The following CCDC171 variants were observed in gnomAD, a reference collection of about 807,000 sequenced individuals.
CCDC171 encodes the protein coiled-coil domain containing 171, also known as coiled-coil domain-containing protein 171.
In CCDC171, 177 loss-of-function variants were observed where a neutral mutation model predicts 168.2. That is an observed-to-expected ratio of 1.05 (90% confidence interval 0.93 to 1.19). CCDC171 has a LOEUF of 1.19. Ranked by LOEUF, CCDC171 falls within the 50% of genes most tolerant of loss-of-function variation. CCDC171 has a pLI of 0.00. For missense variants in CCDC171, 1,991 were observed against 1,539.0 expected (o/e 1.29, Z -4.91); for synonymous variants, 687 against 540.8 (o/e 1.27, Z -3.75).
chr9:15,942,412 A>G (rs1316570987), intron 25 of CCDC171, among the ~76,000 whole-genome samples: 1 of 151,908 alleles, frequency 6.6e-6, no homozygotes, highest in Non-Finnish European at 1.5e-5. Context: ...ATTACTGAAA[A>G]TGTCATATTT....
intron 4 of CCDC171, among the ~76,000 whole-genome samples, chr9:15,581,157 A>G (rs2041081165): frequency 6.6e-6 from 1 of 152,222 alleles, no homozygotes; most frequent in African/African-American, 2.4e-5. Context: ...AGAGAGCCAA[A>G]TCATGAGTGA....
intron 11 of CCDC171, among the ~76,000 whole-genome samples, chr9:15,710,549 C>T (rs1267198562): frequency 3.3e-5 from 5 of 152,012 alleles, no homozygotes; most frequent in African/African-American, 1.2e-4. Context: ...GATCCGCCCG[C>T]CTCGACCTCC....
At chr9:16,013,266 T>C (rs1589325421) in intron 3 of CCDC171, among the ~76,000 whole-genome samples, 2 of 152,254 alleles carry the variant, frequency 1.3e-5, no homozygotes, top group East Asian at 3.9e-4. Context: ...CATCACAGCC[T>C]CTCCAGTCAG....
chr9:16,014,653 A>T (rs760718219), intron 3 of CCDC171, among the ~76,000 whole-genome samples: 5 of 152,180 alleles, frequency 3.3e-5, no homozygotes, highest in Non-Finnish European at 7.3e-5. Context: ...TGCAGAATGG[A>T]CATTGTGTTT....
At chr9:15,962,643 C>G (rs1459674971) in intron 25 of CCDC171, among the ~76,000 whole-genome samples, 2 of 151,936 alleles carry the variant, frequency 1.3e-5, no homozygotes, top group Non-Finnish European at 2.9e-5. Context: ...TGTTACTTAG[C>G]TGTATTTTTG....
chr9:15,857,491 C>T (rs1046645274), intron 23 of CCDC171, among the ~76,000 whole-genome samples: 2 of 151,750 alleles, frequency 1.3e-5, no homozygotes, highest in African/African-American at 4.8e-5. Flanking sequence ...GGCGTGATCT[C>T]GGCTCACTGC....
chr9:15,969,225 A>C (rs1359564375), intron 25 of CCDC171, among the ~76,000 whole-genome samples: 1 of 152,192 alleles, frequency 6.6e-6, no homozygotes, highest in Non-Finnish European at 1.5e-5. Context: ...TGGAAAGTAG[A>C]CATATTAGAA....
chr9:15,812,322 G>T (rs1329454252), intron 21 of CCDC171, among the ~76,000 whole-genome samples: 1 of 152,076 alleles, frequency 6.6e-6, no homozygotes, highest in East Asian at 1.9e-4. Context: ...CATACACATA[G>T]GTATATAGAA....
intron 25 of CCDC171, among the ~76,000 whole-genome samples, chr9:15,970,735 G>A (rs10810511): frequency 6.6e-6 from 1 of 152,008 alleles, no homozygotes; most frequent in Admixed American, 6.6e-5. Context: ...TCAAATATAT[G>A]ACAAATTATT....
rs2060913460 is a variant in CCDC171, at chr9:15,846,775, A to G, written c.3341A>G (p.Gln1114Arg). 6.2e-7 allele frequency: 1 copy of G among 1,612,748 alleles called. No individual in the cohort carries two copies. The highest frequency in any genetic ancestry group is 1.3e-5 in the African/African-American group (1 of 74,996). Residue 1114 changes from glutamine (Q) to arginine (R), a missense_variant, in exon 22 of 26, where the codon CAG becomes CGG. Coordinates refer to ENST00000380701, the MANE Select transcript of CCDC171 (RefSeq NM_173550.4). The stretch of plus-strand genomic sequence containing the variant: ...CGTCAGCTCAATAGACATCTTACCC[A>G]GCTGGAGCAGGACAAGCGTCGACTG... ...SLRQLNRHLT[Q>R]LEQDKRRLEE... is the part of the protein sequence containing the mutation.
At chr9:16,093,135 A>T in the CCDC171 span, among the ~76,000 whole-genome samples, 1 of 152,240 alleles carries the variant, frequency 6.6e-6, no homozygotes, top group African/African-American at 2.4e-5. Context: ...CGATATAGCC[A>T]TTTTCTCGTC....
At chr9:15,860,936 A>ATGTGAGTGTGTGTGTGTG (rs2061530109) in intron 23 of CCDC171, among the ~76,000 whole-genome samples, 1 of 144,178 alleles carries the variant, frequency 6.9e-6, no homozygotes, top group African/African-American at 2.7e-5. Context: ...GTTGTTAGGG[A>ATGTGAGTGTGTGTGTGTG]TGTGTGTGTG....
intron 25 of CCDC171, among the ~76,000 whole-genome samples, chr9:15,970,903 C>T (rs944289224): frequency 2.0e-5 from 3 of 152,126 alleles, no homozygotes; most frequent in Non-Finnish European, 4.4e-5. Flanking sequence ...GGGGACTGTG[C>T]TCACCACCTG....
At chr9:15,984,783 A>G (rs541998897) in intron 3 of CCDC171, among the ~76,000 whole-genome samples, 1 of 152,276 alleles carries the variant, frequency 6.6e-6, no homozygotes, top group East Asian at 1.9e-4. Flanking sequence ...ACAGATTTTC[A>G]TGGATAGAAA....
chr9:15,877,837 G>T (rs1165763594), intron 24 of CCDC171, among the ~76,000 whole-genome samples: 1 of 152,068 alleles, frequency 6.6e-6, no homozygotes, highest in Non-Finnish European at 1.5e-5. Flanking sequence ...CAATAATTAT[G>T]ATATGTACTA....
chr9:15,784,282 T>A (rs2057821682), intron 20 of CCDC171, among the ~76,000 whole-genome samples: 1 of 152,228 alleles, frequency 6.6e-6, no homozygotes. Context: ...ATGAGTTTTC[T>A]AAGATTTTAT....
At chr9:15,719,085 A>G (rs933696275) in intron 11 of CCDC171, among the ~76,000 whole-genome samples, 3 of 152,190 alleles carry the variant, frequency 2.0e-5, no homozygotes, top group African/African-American at 7.2e-5. Flanking sequence ...GAAATTTAAT[A>G]TAACACAGAG....
At chr9:15,597,032 A>G (rs1587273427) in intron 6 of CCDC171, among the ~76,000 whole-genome samples, 1 of 152,132 alleles carries the variant, frequency 6.6e-6, no homozygotes, top group South Asian at 2.1e-4. Flanking sequence ...TTATCAGCTT[A>G]AGGAGATTTT....
chr9:15,963,857 C>T (rs1830565747), intron 25 of CCDC171, among the ~76,000 whole-genome samples: 1 of 152,178 alleles, frequency 6.6e-6, no homozygotes, highest in Non-Finnish European at 1.5e-5. Flanking sequence ...GACAAACAAG[C>T]TACATTTCTC....
Sources: gnomAD v4.1 joint callset for allele counts (sites outside exome capture counted in the v4.1 genomes callset) on GRCh38, gnomAD v4.1.1 for gene constraint, MANE v1.5 for transcripts, NCBI Gene and HGNC (gene_info 2026-07-23, HGNC 2026-07-21) for gene names.